Variants in ASCC3 observed in about 807,000 individuals in gnomAD.
ASCC3 encodes the protein activating signal cointegrator 1 complex subunit 3.
Under a neutral mutation model 256.3 loss-of-function variants are expected in ASCC3, and 158 were observed. That is an observed-to-expected ratio of 0.62 (90% CI 0.54 to 0.70). ASCC3 has a LOEUF of 0.70. Ranked by LOEUF, ASCC3 falls within the 30% of genes least tolerant of loss-of-function variation. The pLI, the probability that ASCC3 is intolerant of heterozygous loss-of-function variation, is 0.00. For synonymous variants in ASCC3, 948 were observed against 883.4 expected, an observed-to-expected ratio of 1.07 and a Z score of -1.30; for missense variants, 2,259 against 2,626.0, an observed-to-expected ratio of 0.86 and a Z score of 3.05.
chr6:100,745,635 A>G (rs1459915752), intron 10 of ASCC3, among the ~76,000 whole-genome samples: 1 of 152,244 alleles, frequency 6.6e-6, no homozygotes, highest in Non-Finnish European at 1.5e-5. Context: ...ACTTTCTGTG[A>G]TAACCGTAAT....
intron 13 of ASCC3, among the ~76,000 whole-genome samples, chr6:100,705,806 C>T (rs1365934486): frequency 6.6e-6 from 1 of 151,882 alleles, no homozygotes; most frequent in African/African-American, 2.4e-5. Flanking sequence ...TTTACGTACA[C>T]AGCCCCACAA....
rs1419899533 is a variant in ASCC3 at position 100,652,828 on chromosome 6, T to C, written c.2885A>G (p.Asp962Gly). ...QLVIEVGRKL[D>G]KAQMIRFEER... ...CTCAAAACGAATCATCTGAGCTTTG[T>C]CTAGTTTTCGTCCAACTTCAATGAC... The change falls in exon 18 of 42, where the codon GAC becomes GGC. Residue 962 changes from aspartate (D) to glycine (G), a missense_variant. Transcript: ENST00000369162. 3.7e-6 allele frequency: 6 copies of C among 1,613,830 alleles called. No individual in the cohort carries two copies. Among genetic ancestry groups the C allele is most frequent in the African/African-American group, 1.3e-5 (1 of 74,912 alleles).
chr6:100,577,733 C>A (rs1770947187), intron 36 of ASCC3, among the ~76,000 whole-genome samples: 1 of 151,098 alleles, frequency 6.6e-6, no homozygotes, highest in African/African-American at 2.5e-5. Flanking sequence ...CACACACACA[C>A]CCACCCACCC....
At chr6:100,855,910 C>A (rs1353569281) in intron 3 of ASCC3, among the ~76,000 whole-genome samples, 1 of 152,126 alleles carries the variant, frequency 6.6e-6, no homozygotes. Context: ...TAATTAGCTA[C>A]CCACTAGTAA....
chr6:100,872,751 G>T (rs1368278035), intron 1 of ASCC3, among the ~76,000 whole-genome samples: 1 of 152,108 alleles, frequency 6.6e-6, no homozygotes, highest in South Asian at 2.1e-4. Context: ...CCCAAAGCCT[G>T]GTAGACCTGC....
At chr6:100,530,737 T>G in intron 37 of ASCC3, 2 of 955,596 alleles carry the variant, frequency 2.1e-6, no homozygotes, top group Non-Finnish European at 3.4e-6. Flanking sequence ...CCAGGACAAT[T>G]TAAGGATTTT....
intron 3 of ASCC3, among the ~76,000 whole-genome samples, chr6:100,862,896 C>T (rs1326130194): frequency 1.3e-5 from 2 of 152,126 alleles, no homozygotes; most frequent in African/African-American, 4.8e-5. Flanking sequence ...AAGGGATCTA[C>T]CATCATTAAG....
At chr6:100,685,476 C>T (rs1582694431) in intron 13 of ASCC3, among the ~76,000 whole-genome samples, 1 of 152,104 alleles carries the variant, frequency 6.6e-6, no homozygotes, top group East Asian at 1.9e-4. Flanking sequence ...CAGCAGTGTC[C>T]CTGAGTCAGA....
At chr6:100,694,688 T>C (rs1001336288) in intron 13 of ASCC3, among the ~76,000 whole-genome samples, 1 of 152,132 alleles carries the variant, frequency 6.6e-6, no homozygotes, top group Non-Finnish European at 1.5e-5. Context: ...CTGGCCAAAT[T>C]TGGGCCAATA....
At chr6:100,574,208 AACTTTAATAAATG>A (rs1770744020) in intron 36 of ASCC3, among the ~76,000 whole-genome samples, 1 of 152,158 alleles carries the variant, frequency 6.6e-6, no homozygotes, top group Non-Finnish European at 1.5e-5. Context: ...ATACATAGCA[AACTTTAATAAATG>A]ACAAGCTAAA....
chr6:100,589,313 A>G (rs1021612645), intron 36 of ASCC3, among the ~76,000 whole-genome samples: 1 of 152,172 alleles, frequency 6.6e-6, no homozygotes, highest in Non-Finnish European at 1.5e-5. Context: ...AAAGCTTTCA[A>G]TCATAATTCA....
In ASCC3 at chr6:100,795,230, A is replaced by G. The variant is rs142346449; in HGVS notation, c.1395+3483T>C. 3.9e-4 allele frequency among the ~76,000 whole-genome samples: 60 copies of G among 151,936 alleles called. 1 individual carries two copies. Among genetic ancestry groups the G allele is most frequent in the African/African-American group, 1.4e-3 (59 of 41,478 alleles). ...AACCCATTGCTTCTGGGATTATAGT[A>G]TGGGGAAACGGTCATGTTTGCTGCT... On this transcript the variant is annotated intron_variant, in intron 8 of 41. Coordinates refer to ENST00000369162, the MANE Select transcript of ASCC3 (RefSeq NM_006828.4).
intron 10 of ASCC3, among the ~76,000 whole-genome samples, chr6:100,736,134 C>T (rs556437902): frequency 9.2e-4 from 137 of 148,592 alleles, no homozygotes; most frequent in Non-Finnish European, 1.6e-3. Context: ...TAATAATTAT[C>T]GATACCACAA....
intron 8 of ASCC3, among the ~76,000 whole-genome samples, chr6:100,786,002 T>C: frequency 6.6e-6 from 1 of 151,968 alleles, no homozygotes; most frequent in Middle Eastern, 3.2e-3. Flanking sequence ...CTTGGGAGGG[T>C]AAGATGCCCT....
intron 1 of ASCC3, among the ~76,000 whole-genome samples, chr6:100,879,495 A>G (rs898338611): frequency 1.3e-5 from 2 of 152,154 alleles, no homozygotes; most frequent in African/African-American, 4.8e-5. Context: ...TTCTTAGTCA[A>G]TTCATTAGCA....
chr6:100,631,603 CTAT>C (rs1774550419), intron 25 of ASCC3, among the ~76,000 whole-genome samples: 1 of 151,574 alleles, frequency 6.6e-6, no homozygotes, highest in Non-Finnish European at 1.5e-5. Flanking sequence ...AAAATTTTTT[CTAT>C]TATTATGATT....
intron 10 of ASCC3, among the ~76,000 whole-genome samples, chr6:100,730,834 T>C (rs574347555): frequency 6.6e-6 from 1 of 152,194 alleles, no homozygotes; most frequent in East Asian, 1.9e-4. Flanking sequence ...ACATTTTTTA[T>C]GTTCCCTTCT....
rs557285518 is a variant in ASCC3 at position 100,827,109 on chromosome 6, T to C, written c.801+21039A>G. Among the ~76,000 whole-genome samples the C allele has an allele frequency of 6.6e-5, 10 of 152,342 alleles. No homozygotes were observed. The East Asian group carries it at 1.5e-3, about 24-fold the overall frequency. On this transcript the variant is annotated intron_variant, in intron 4 of 41. Transcript: ENST00000369162. Reference sequence around the variant, plus strand: ...GGTCCGCTCAGATTTAGATGGAATATGTTTATATCACACCATTTATCTGTC... The same window carrying C: ...GGTCCGCTCAGATTTAGATGGAATACGTTTATATCACACCATTTATCTGTC...
At chr6:100,721,667 G>T (rs118155038) in intron 11 of ASCC3, among the ~76,000 whole-genome samples, 2,335 of 151,798 alleles carry the variant, frequency 0.015, 23 homozygotes, top group East Asian at 0.045. Context: ...TGTGTTTTCT[G>T]TATGTGTGTG....
Sources: allele counts gnomAD v4.1 joint callset (sites outside exome capture counted in the v4.1 genomes callset), GRCh38; gene constraint gnomAD v4.1.1; transcripts MANE v1.5; gene names NCBI Gene and HGNC (gene_info 2026-07-23, HGNC 2026-07-21).